Variants in ANGPT1 observed in about 807,000 individuals in gnomAD.
The protein encoded by ANGPT1 is angiopoietin 1.
Under a neutral mutation model 62.2 loss-of-function variants are expected in ANGPT1, and 17 were observed. The ratio of observed to expected loss-of-function variants is 0.27; its 90% confidence interval spans 0.19 to 0.41. The LOEUF (loss-of-function observed/expected upper bound fraction) is 0.41. Ranked by LOEUF, ANGPT1 falls within the 10% of genes least tolerant of loss-of-function variation. ANGPT1 has a pLI of 1.00. For missense variants in ANGPT1, 478 were observed against 594.9 expected (o/e 0.80, Z 2.04); for synonymous variants, 199 against 198.9 (o/e 1.00, Z 0.00).
intron 3 of ANGPT1, among the ~76,000 whole-genome samples, chr8:107,325,065 A>T (rs909254958): frequency 1.3e-5 from 2 of 152,162 alleles, no homozygotes; most frequent in Non-Finnish European, 2.9e-5. Context: ...GGTAGGTATG[A>T]TTCATCTTCT....
intron 4 of ANGPT1, among the ~76,000 whole-genome samples, chr8:107,318,607 T>A (rs1815076252): frequency 6.6e-6 from 1 of 152,198 alleles, no homozygotes; most frequent in Admixed American, 6.5e-5. Flanking sequence ...TATACTAACC[T>A]CTTTTAATAT....
intron 1 of ANGPT1, among the ~76,000 whole-genome samples, chr8:107,471,658 C>A (rs372141656): frequency 1.3e-5 from 2 of 152,102 alleles, no homozygotes; most frequent in African/African-American, 4.8e-5. Context: ...TTCAGATTGG[C>A]GACGTTTGAA....
chr8:107,289,752 A>G (rs2130161542), intron 6 of ANGPT1, among the ~76,000 whole-genome samples: 2 of 152,264 alleles, frequency 1.3e-5, no homozygotes, highest in East Asian at 3.9e-4. Context: ...GTGGATAGGA[A>G]GCTCTGTTTA....
intron 1 of ANGPT1, among the ~76,000 whole-genome samples, chr8:107,354,545 T>C (rs1816000605): frequency 1.3e-5 from 2 of 152,330 alleles, no homozygotes; most frequent in Admixed American, 1.3e-4. Context: ...AAGGTTTGAA[T>C]ATTAATTTAT....
In ANGPT1 at chr8:107,293,973, C is replaced by A; in HGVS notation, c.1001G>T (p.Ser334Ile). 6.2e-7 allele frequency: 1 copy of A among 1,613,492 alleles called. No individual in the cohort carries two copies. Among genetic ancestry groups the A allele is most frequent in the Non-Finnish European group, 8.5e-7 (1 of 1,179,712 alleles). The change falls in exon 6 of 9, where the codon AGT becomes ATT. Residue 334 changes from serine to isoleucine, a missense_variant. Physicochemically the swap from Ser to Ile is moderately radical, Grantham distance 142. This residue lies in a region of ANGPT1 where 81 missense variants were observed against 117.1 expected (regional missense o/e 0.69). Coordinates refer to ENST00000517746, the MANE Select transcript of ANGPT1 (RefSeq NM_001146.5). ...CTTCCAGCCTCTTTGGAAATCTAGA[C>A]TTCCATCTTCACGATGTTGTATTAC... The part of the protein sequence containing the change: ...WTVIQHREDG[S>I]LDFQRGWKEY...
At chr8:107,459,390 G>A (rs868292684) in intron 1 of ANGPT1, among the ~76,000 whole-genome samples, 3 of 152,000 alleles carry the variant, frequency 2.0e-5, no homozygotes, top group African/African-American at 4.8e-5. Context: ...TGTCTACTAA[G>A]TCAGCCGGAA....
chr8:107,392,693 C>T lies in ANGPT1; in HGVS notation c.298-45596G>A, dbSNP rs548979497. Among the ~76,000 whole-genome samples, 4 of 152,236 alleles carry T rather than the reference C, an allele frequency of 2.6e-5. No homozygotes were observed. In the South Asian group the frequency reaches 6.2e-4, roughly 24 times the overall value. On this transcript the variant is annotated intron_variant, in intron 1 of 8. Transcript: ENST00000517746. Reference sequence around the variant, plus strand: ...TTCCTTAGGAATATTAACTCTACTCCTGTTCTTCTCACAAATTATTTTAGA... The same window carrying T: ...TTCCTTAGGAATATTAACTCTACTCTTGTTCTTCTCACAAATTATTTTAGA...
At chr8:107,464,489 T>C (rs1301876332) in intron 1 of ANGPT1, among the ~76,000 whole-genome samples, 1 of 152,106 alleles carries the variant, frequency 6.6e-6, no homozygotes, top group African/African-American at 2.4e-5. Flanking sequence ...ATCTTGTCCC[T>C]ACTATATTCT....
intron 1 of ANGPT1, among the ~76,000 whole-genome samples, chr8:107,447,016 CT>C (rs1426219042): frequency 6.6e-6 from 1 of 152,160 alleles, no homozygotes; most frequent in African/African-American, 2.4e-5. Flanking sequence ...TTGAAGACTC[CT>C]TTTTCTGTTC....
chr8:107,264,076 TA>T, intron 8 of ANGPT1, 144 bp downstream of exon 8: 2 of 972,654 alleles, frequency 2.1e-6, no homozygotes, highest in Non-Finnish European at 2.8e-6. Context: ...GAACGCAGGG[TA>T]AATTCGTGGG....
At chr8:107,350,320 T>A (rs1230334217) in intron 1 of ANGPT1, among the ~76,000 whole-genome samples, 1 of 152,118 alleles carries the variant, frequency 6.6e-6, no homozygotes, top group Non-Finnish European at 1.5e-5. Flanking sequence ...TGAGCTCCAA[T>A]ACAAGATCTG....
intron 1 of ANGPT1, among the ~76,000 whole-genome samples, chr8:107,382,757 T>C (rs1816663959): frequency 6.6e-6 from 1 of 151,944 alleles, no homozygotes; most frequent in Non-Finnish European, 1.5e-5. Flanking sequence ...AGTTTTGGAG[T>C]AAATGAGGTG....
intron 6 of ANGPT1, among the ~76,000 whole-genome samples, chr8:107,289,615 T>G (rs1216799759): frequency 6.6e-6 from 1 of 152,180 alleles, no homozygotes; most frequent in Non-Finnish European, 1.5e-5. Flanking sequence ...TTCAAAATTT[T>G]TAATTTCATA....
intron 1 of ANGPT1, among the ~76,000 whole-genome samples, chr8:107,464,166 A>C (rs1812142598): frequency 6.6e-6 from 1 of 152,082 alleles, no homozygotes; most frequent in Non-Finnish European, 1.5e-5. Flanking sequence ...TTGTTTCCTC[A>C]TCTCCAAAAT....
At chr8:107,307,881 C>T (rs1211552066) in intron 4 of ANGPT1, among the ~76,000 whole-genome samples, 1 of 152,178 alleles carries the variant, frequency 6.6e-6, no homozygotes, top group African/African-American at 2.4e-5. Context: ...GCTACACCAA[C>T]TTTCATTTGT....
Position 107,304,300 on chromosome 8 carries a change from GAT to G in ANGPT1, c.809-935_809-934del, listed in dbSNP as rs759821578. ...CCACATTTAATAGTTCTTAGCTAAA[GAT>G]ATATGTGTTATATTTATAAAGTATT... On this transcript the variant is annotated intron_variant, in intron 4 of 8. Transcript: ENST00000517746. Among the ~76,000 whole-genome samples the G allele has an allele frequency of 3.3e-5, 5 of 151,468 alleles. No individual in the cohort carries two copies. In the East Asian group the frequency reaches 5.8e-4, roughly 18 times the overall value.
At chr8:107,372,690 C>T (rs1816440582) in intron 1 of ANGPT1, among the ~76,000 whole-genome samples, 1 of 151,904 alleles carries the variant, frequency 6.6e-6, no homozygotes, top group African/African-American at 2.4e-5. Flanking sequence ...TGCAGTGACA[C>T]AGTAACGATT....
chr8:107,260,478 A>AG (rs202175196), intron 8 of ANGPT1, among the ~76,000 whole-genome samples: 2 of 40,280 alleles, frequency 5.0e-5, no homozygotes, highest in East Asian at 9.0e-4. Context: ...AAGTTTAAAA[A>AG]GAAAAAAAAG....
At chr8:107,317,816 A>G (rs1368597604) in intron 4 of ANGPT1, among the ~76,000 whole-genome samples, 1 of 151,942 alleles carries the variant, frequency 6.6e-6, no homozygotes, top group Non-Finnish European at 1.5e-5. Context: ...TTTTTAGTAG[A>G]GATGGGGTTT....
Sources: allele counts gnomAD v4.1 joint callset (sites outside exome capture counted in the v4.1 genomes callset), GRCh38; gene constraint gnomAD v4.1.1; regional missense constraint gnomAD v4.1.1; transcripts MANE v1.5; gene names NCBI Gene and HGNC (gene_info 2026-07-23, HGNC 2026-07-21).